RNF38: variants seen among roughly 807,000 people sequenced by gnomAD.
The protein encoded by RNF38 is E3 ubiquitin-protein ligase RNF38.
In RNF38, 15 loss-of-function variants were observed where a neutral mutation model predicts 67.2. The observed-to-expected ratio is 0.22, with a 90% CI of 0.15 to 0.34. The LOEUF (loss-of-function observed/expected upper bound fraction) is 0.34, where lower values mean the gene tolerates loss of function less well. RNF38 is among the 10% of genes least tolerant of loss of function. The pLI is 1.00. For missense variants in RNF38, 524 were observed against 639.9 expected, an observed-to-expected ratio of 0.82 and a Z score of 1.95; for synonymous variants, 220 against 218.8, an observed-to-expected ratio of 1.01 and a Z score of -0.05.
chr9:36,386,599 T>C (rs927351019), intron 2 of RNF38, among the ~76,000 whole-genome samples: 1 of 152,112 alleles, frequency 6.6e-6, no homozygotes, highest in Non-Finnish European at 1.5e-5. Flanking sequence ...ACGTTAGGCA[T>C]TCTGAGTCAC....
intron 1 of RNF38, among the ~76,000 whole-genome samples, chr9:36,397,104 GT>G (rs34047668): frequency 0.41 from 54,981 of 134,938 alleles, 10,653 homozygotes; most frequent in South Asian, 0.48. Context: ...TATATGTTTT[GT>G]TTTTTTTTTT....
chr9:36,410,991 C>T (rs542523545), intron 2 of RNF38, among the ~76,000 whole-genome samples: 1 of 152,128 alleles, frequency 6.6e-6, no homozygotes, highest in Non-Finnish European at 1.5e-5. Context: ...ACTGTATGTA[C>T]TTAATGCTAC....
chr9:36,415,291 A>T lies in RNF38; in HGVS notation n.312+9322T>A, dbSNP rs11543907. On this transcript the variant is annotated intron_variant and non_coding_transcript_variant, in intron 2 of 3. Coordinates refer to the RNF38 transcript ENST00000488058. ...TAAAAAGCCTTATCTTTGAGCCCTC[A>T]ACTTCTTTCTTGTTCAATTCTATTG... Among the ~76,000 whole-genome samples, 1,205 of 152,194 alleles carry T rather than the reference A, an allele frequency of 7.9e-3. 18 individuals carry two copies. Among genetic ancestry groups the T allele is most frequent in the South Asian group, 0.064 (306 of 4,814 alleles).
chr9:36,399,310 G>A (rs1837800567), intron 1 of RNF38, among the ~76,000 whole-genome samples: 2 of 152,118 alleles, frequency 1.3e-5, no homozygotes, highest in African/African-American at 4.8e-5. Context: ...TTTTACAGAT[G>A]AGAGCCTGAG....
intron 1 of RNF38, among the ~76,000 whole-genome samples, chr9:36,482,787 T>A (rs974151645): frequency 6.6e-6 from 1 of 152,214 alleles, no homozygotes; most frequent in Non-Finnish European, 1.5e-5. Context: ...AAAGTTCACA[T>A]GGAGAACTCT....
At chr9:36,448,316 G>C (rs1839355243) in intron 1 of RNF38, among the ~76,000 whole-genome samples, 1 of 152,164 alleles carries the variant, frequency 6.6e-6, no homozygotes, top group Non-Finnish European at 1.5e-5. Flanking sequence ...ACTTCTCAGA[G>C]CTGTATGTTC....
chr9:36,457,113 G>T (rs1374902598), intron 1 of RNF38, among the ~76,000 whole-genome samples: 2 of 150,676 alleles, frequency 1.3e-5, no homozygotes, highest in African/African-American at 4.8e-5. Flanking sequence ...ATGGATGCTG[G>T]TCCTTCCAGA....
At chr9:36,349,241 C>T (rs532619244) in intron 9 of RNF38, among the ~76,000 whole-genome samples, 1 of 152,368 alleles carries the variant, frequency 6.6e-6, no homozygotes, top group South Asian at 2.1e-4. Context: ...ACACAACATT[C>T]ACTCTGCAGC....
chr9:36,353,940 A>C lies in RNF38; in HGVS notation c.910-609T>G, dbSNP rs74307333. ...AGCCTACTTCAAAAGTGTGTAGTTA[A>C]CACTGGGAAACAAGAGGGAGGCTCT... is the stretch of plus-strand genomic sequence containing the variant. On this transcript the variant is annotated intron_variant, in intron 6 of 11. Transcript: ENST00000259605. Among the ~76,000 whole-genome samples, 50 of 152,352 alleles carry C rather than the reference A, an allele frequency of 3.3e-4. No homozygotes were observed. In the East Asian group the frequency reaches 9.4e-3, roughly 29 times the overall value.
chr9:36,351,233 G>A (rs1346748404), intron 8 of RNF38, 34 bp from the exon 9 acceptor site: 8 of 1,418,854 alleles, frequency 5.6e-6, no homozygotes, highest in Non-Finnish European at 7.9e-6. Context: ...GCATTGATAT[G>A]TTAGTACATT....
chr9:36,391,698 C>T (rs1488961745), intron 1 of RNF38, among the ~76,000 whole-genome samples: 1 of 151,294 alleles, frequency 6.6e-6, no homozygotes, highest in Non-Finnish European at 1.5e-5. Context: ...CTGCAGGCTC[C>T]ACCCACTGGG....
At chr9:36,408,133 C>T (rs571988744) in intron 2 of RNF38, among the ~76,000 whole-genome samples, 2 of 152,078 alleles carry the variant, frequency 1.3e-5, no homozygotes, top group East Asian at 1.9e-4. Context: ...TTTTTGAAAC[C>T]TGTCACCCAG....
intron 1 of RNF38, among the ~76,000 whole-genome samples, chr9:36,391,759 G>A (rs1366868349): frequency 2.0e-5 from 3 of 151,796 alleles, no homozygotes; most frequent in African/African-American, 7.3e-5. Flanking sequence ...GACTACAGGC[G>A]CCCGCCACCC....
At chr9:36,481,005 TTCTTC>T (rs1840246135) in intron 1 of RNF38, among the ~76,000 whole-genome samples, 1 of 151,564 alleles carries the variant, frequency 6.6e-6, no homozygotes, top group Non-Finnish European at 1.5e-5. Context: ...ATAGCTTTTT[TTCTTC>T]TCTTTCTTTT....
intron 2 of RNF38, among the ~76,000 whole-genome samples, chr9:36,383,738 C>A (rs2248070): frequency 0.054 from 8,198 of 151,590 alleles, 699 homozygotes; most frequent in African/African-American, 0.18. Flanking sequence ...TCAAAAGTTA[C>A]CATGTTGTTT....
At chr9:36,459,145 T>A (rs1478309007) in intron 1 of RNF38, among the ~76,000 whole-genome samples, 1 of 148,870 alleles carries the variant, frequency 6.7e-6, no homozygotes, top group African/African-American at 2.5e-5. Flanking sequence ...GAGGTGGAGG[T>A]TGCAGTGAGC....
chr9:36,415,049 C>G (rs906054710), intron 2 of RNF38, among the ~76,000 whole-genome samples: 4 of 152,102 alleles, frequency 2.6e-5, no homozygotes, highest in African/African-American at 9.7e-5. Context: ...AATGCATTTC[C>G]CAGGAGTTAT....
chr9:36,350,212 C>T (rs1019798304), intron 9 of RNF38, among the ~76,000 whole-genome samples: 1 of 152,184 alleles, frequency 6.6e-6, no homozygotes, highest in Non-Finnish European at 1.5e-5. Context: ...CCTTTCTATT[C>T]GCAGTTCCTA....
At chr9:36,455,136 T>C (rs995392820) in intron 1 of RNF38, among the ~76,000 whole-genome samples, 9 of 151,798 alleles carry the variant, frequency 5.9e-5, no homozygotes, top group Non-Finnish European at 1.3e-4. Context: ...CTTGGCTCAC[T>C]GCAACCCCCG....
Sources: allele counts gnomAD v4.1 joint callset (sites outside exome capture counted in the v4.1 genomes callset), GRCh38; gene constraint gnomAD v4.1.1; transcripts MANE v1.5; gene names NCBI Gene and HGNC (gene_info 2026-07-23, HGNC 2026-07-21).